COL13A1: variants seen among roughly 807,000 people sequenced by gnomAD.
COL13A1 encodes the protein collagen alpha-1(XIII) chain.
Under a neutral mutation model 130.9 loss-of-function variants are expected in COL13A1, and 89 were observed. The observed-to-expected ratio is 0.68, with a 90% confidence interval of 0.57 to 0.81. The LOEUF is 0.81. COL13A1 is among the 30% of genes least tolerant of loss of function. The pLI is 0.00. For synonymous variants in COL13A1, 402 were observed against 341.6 expected (o/e 1.18, Z -1.95); for missense variants, 879 against 934.6 (o/e 0.94, Z 0.78).
At chr10:69,903,191 C>T (rs1216441067) in intron 15 of COL13A1, among the ~76,000 whole-genome samples, 1 of 152,262 alleles carries the variant, frequency 6.6e-6, no homozygotes, top group East Asian at 1.9e-4. Context: ...CTTAGCAAAA[C>T]CTGAGTCAGG....
chr10:69,897,269 G>C (rs997167899), intron 13 of COL13A1, among the ~76,000 whole-genome samples: 2 of 152,280 alleles, frequency 1.3e-5, no homozygotes, highest in Middle Eastern at 3.4e-3. Context: ...AGATCTGTTG[G>C]CTTTCCAAGG....
At chr10:69,865,396 G>T (rs888985993) in intron 2 of COL13A1, among the ~76,000 whole-genome samples, 1 of 152,232 alleles carries the variant, frequency 6.6e-6, no homozygotes, top group Non-Finnish European at 1.5e-5. Context: ...GGAAGCATCT[G>T]CTTGGAAACC....
chr10:69,889,696 CAG>C (rs2060973384), intron 10 of COL13A1, among the ~76,000 whole-genome samples: 1 of 149,962 alleles, frequency 6.7e-6, no homozygotes, highest in Non-Finnish European at 1.5e-5. Context: ...TGGTAGCACA[CAG>C]AGGTCGGTGT....
At chr10:69,819,260 A>G (rs1645460356) in intron 1 of COL13A1, among the ~76,000 whole-genome samples, 1 of 152,190 alleles carries the variant, frequency 6.6e-6, no homozygotes, top group African/African-American at 2.4e-5. Context: ...TGCCTGTTGC[A>G]CGGGTCAGTG....
intron 23 of COL13A1, among the ~76,000 whole-genome samples, chr10:69,923,599 G>A (rs1004877963): frequency 1.3e-5 from 2 of 152,180 alleles, no homozygotes; most frequent in East Asian, 3.9e-4. Context: ...AGCAGGAGTG[G>A]GCTTCCAGAG....
intron 1 of COL13A1, among the ~76,000 whole-genome samples, chr10:69,821,927 C>T (rs113549234): frequency 1.3e-5 from 2 of 152,278 alleles, no homozygotes; most frequent in African/African-American, 4.8e-5. Context: ...TACTGCTGCA[C>T]CCCTGCCCAG....
At chr10:69,853,427 G>A (rs1228051274) in intron 2 of COL13A1, among the ~76,000 whole-genome samples, 2 of 152,310 alleles carry the variant, frequency 1.3e-5, no homozygotes, top group East Asian at 3.9e-4. Flanking sequence ...CCTCATTCCT[G>A]TGAGGGAACA....
At chr10:69,914,674 G>C (rs1197223712) in intron 17 of COL13A1, among the ~76,000 whole-genome samples, 2 of 152,202 alleles carry the variant, frequency 1.3e-5, no homozygotes, top group African/African-American at 2.4e-5. Flanking sequence ...GGACTGTGGG[G>C]GCCTCTGTAC....
chr10:69,926,998 G>C, intron 26 of COL13A1, 89 bp from the exon 27 acceptor site: 1 of 1,588,812 alleles, frequency 6.3e-7, no homozygotes, highest in South Asian at 1.1e-5. Context: ...GAGGGGCCTA[G>C]CTCCCATGTT....
intron 2 of COL13A1, among the ~76,000 whole-genome samples, chr10:69,851,282 G>A (rs1166182007): frequency 1.3e-5 from 2 of 152,218 alleles, no homozygotes; most frequent in Non-Finnish European, 2.9e-5. Flanking sequence ...AGGGAAATCA[G>A]GAAGGGAGCT....
chr10:69,945,772 A>G (rs1265272431), intron 37 of COL13A1, 48 bp downstream of exon 37: 1 of 1,586,212 alleles, frequency 6.3e-7, no homozygotes, highest in Admixed American at 1.8e-5. Flanking sequence ...CCCTGCCCCC[A>G]TTAGAAATAC....
chr10:69,907,541 C>A (rs1463377198), intron 17 of COL13A1, among the ~76,000 whole-genome samples: 1 of 152,056 alleles, frequency 6.6e-6, no homozygotes, highest in East Asian at 1.9e-4. Flanking sequence ...CGCAATCACA[C>A]ACCCACTCCC....
Position 69,802,227 on chromosome 10 carries a change from G to C in COL13A1, c.-197G>C, listed in dbSNP as rs1302573809. The C allele has an allele frequency of 1.7e-6, 1 of 588,132 alleles. No individual in the cohort carries two copies. Among genetic ancestry groups the C allele is most frequent in the Non-Finnish European group, 2.7e-6 (1 of 369,842 alleles). 36.4% of individuals were successfully genotyped at this position (588,132 alleles called of 1,614,324 possible). ...CTCACCTAGGTGTACCCCAATTACCGCTGGTTGTGCTTTTTCGGCACTTCC... is the reference window on the plus strand; with the variant it reads ...CTCACCTAGGTGTACCCCAATTACCCCTGGTTGTGCTTTTTCGGCACTTCC... On this transcript the variant is annotated 5_prime_UTR_variant, in exon 1 of 41. Coordinates refer to ENST00000645393, the MANE Select transcript of COL13A1 (RefSeq NM_001368882.1).
At chr10:69,943,922 GGCAT>G (rs1048888619) in intron 35 of COL13A1, among the ~76,000 whole-genome samples, 199 bp from the exon 36 acceptor site, 7 of 152,238 alleles carry the variant, frequency 4.6e-5, no homozygotes, top group African/African-American at 1.4e-4. Context: ...CTGGCTCTGA[GGCAT>G]GGGGAGGTGC....
chr10:69,936,692 G>C, intron 32 of COL13A1, 64 bp from the exon 33 acceptor site: 1 of 1,593,114 alleles, frequency 6.3e-7, no homozygotes, highest in East Asian at 2.2e-5. Context: ...ATCCATTTGT[G>C]GACTAGGCAG....
chr10:69,806,204 G>A (rs904311476), intron 1 of COL13A1, among the ~76,000 whole-genome samples: 1 of 152,264 alleles, frequency 6.6e-6, no homozygotes. Context: ...GCAGGACTGG[G>A]CCACTTCCTG....
At chr10:69,897,607 T>A (rs2061779601) in intron 13 of COL13A1, 2 of 1,519,928 alleles carry the variant, frequency 1.3e-6, no homozygotes, top group African/African-American at 2.7e-5. Flanking sequence ...ACATTGCACA[T>A]CCCCAGGCCC....
chr10:69,924,173 G>A (rs1192300905), intron 24 of COL13A1, among the ~76,000 whole-genome samples: 1 of 152,218 alleles, frequency 6.6e-6, no homozygotes, highest in Non-Finnish European at 1.5e-5. Context: ...AGTTCACAGT[G>A]GCTAAAGTGT....
At position 69,930,401 on chromosome 10, in the gene COL13A1, G is replaced by A; in HGVS notation, c.1532G>A (p.Gly511Glu). ...AAGCGTTTTTGGTATTTTCTAAAGG[G>A]ACCTCGCGGTAAACCAGGAGACATG... ...PGPPGHDGEK[G>E]PRGKPGDMGP... is the part of the protein sequence containing the mutation. Residue 511 changes from glycine to glutamate, a missense_variant and splice_region_variant, in exon 30 of 41, where the codon GGA (glycine) becomes GAA (glutamate). By Grantham distance (98) the Gly-to-Glu change is moderately conservative. Coordinates refer to ENST00000645393, the MANE Select transcript of COL13A1 (RefSeq NM_001368882.1). 1 of 1,602,806 alleles carries A rather than the reference G, an allele frequency of 6.2e-7. No individual in the cohort carries two copies. The highest frequency in any genetic ancestry group is 2.2e-5 in the East Asian group (1 of 44,826).
Sources: gnomAD v4.1 joint callset for allele counts (sites outside exome capture counted in the v4.1 genomes callset) on GRCh38, gnomAD v4.1.1 for gene constraint, MANE v1.5 for transcripts, NCBI Gene and HGNC (gene_info 2026-07-23, HGNC 2026-07-21) for gene names.